WDR59: variants seen among roughly 807,000 people sequenced by gnomAD.
WDR59 encodes WD repeat domain 59.
WDR59 carries 100 observed loss-of-function variants against 131.2 expected under a neutral mutation model. The observed-to-expected ratio is 0.76, with a 90% CI of 0.65 to 0.90. The LOEUF (loss-of-function observed/expected upper bound fraction) is 0.90, where lower values mean the gene tolerates loss of function less well. Among genes scored for constraint, WDR59 ranks in the 40% least tolerant of loss-of-function variants. The pLI is 0.00. For missense variants in WDR59, 1,203 were observed against 1,262.2 expected, an observed-to-expected ratio of 0.95 and a Z score of 0.71; for synonymous variants, 601 against 466.2, an observed-to-expected ratio of 1.29 and a Z score of -3.72.
intron 19 of WDR59, among the ~76,000 whole-genome samples, chr16:74,892,985 G>C (rs1193491180): frequency 6.6e-6 from 1 of 152,236 alleles, no homozygotes; most frequent in Non-Finnish European, 1.5e-5. Context: ...ATGAGTTCGA[G>C]TTTAGGAAGA....
intron 4 of WDR59, among the ~76,000 whole-genome samples, chr16:74,950,588 C>A (rs2032933189): frequency 6.6e-6 from 1 of 152,174 alleles, no homozygotes; most frequent in Non-Finnish European, 1.5e-5. Context: ...CCACCCAACC[C>A]AGGTGTCTCA....
At chr16:74,946,997 T>C (rs2145121486) in intron 6 of WDR59, among the ~76,000 whole-genome samples, 1 of 152,316 alleles carries the variant, frequency 6.6e-6, no homozygotes, top group South Asian at 2.1e-4. Flanking sequence ...TCTCTGTAAA[T>C]AAGTTATACC....
At chr16:74,888,505 A>G (rs1376713142) in intron 21 of WDR59, among the ~76,000 whole-genome samples, 186 bp from the exon 22 acceptor site, 1 of 152,178 alleles carries the variant, frequency 6.6e-6, no homozygotes, top group African/African-American at 2.4e-5. Flanking sequence ...AGTTTGCCTA[A>G]ACTTGTTTTG....
At chr16:74,926,567 C>T (rs1020163812) in intron 8 of WDR59, among the ~76,000 whole-genome samples, 1 of 152,076 alleles carries the variant, frequency 6.6e-6, no homozygotes, top group African/African-American at 2.4e-5. Context: ...GGGGATGATC[C>T]ACACGTGTAC....
At chr16:74,905,792 A>G (rs1597681450) in intron 17 of WDR59, among the ~76,000 whole-genome samples, 1 of 152,112 alleles carries the variant, frequency 6.6e-6, no homozygotes, top group Non-Finnish European at 1.5e-5. Flanking sequence ...ATTGAAAAAC[A>G]TTAAAGAGGG....
chr16:74,975,205 AC>A (rs1173954979), intron 1 of WDR59, among the ~76,000 whole-genome samples: 1 of 152,146 alleles, frequency 6.6e-6, no homozygotes, highest in Non-Finnish European at 1.5e-5. Flanking sequence ...TACTAAAAAT[AC>A]AAAAATTAGC....
In WDR59 at chr16:74,892,571, A is replaced by ATT; in HGVS notation, c.2001-8_2001-7dup. The stretch of plus-strand genomic sequence containing the variant: ...GAATATCATTCACATTCAATCTGAA[A>ATT]TTTTTTAAAAAGAATTAAACATTTC... On this transcript the variant is annotated splice_polypyrimidine_tract_variant and splice_region_variant and intron_variant, in intron 19 of 25. Coordinates refer to ENST00000262144, the MANE Select transcript of WDR59 (RefSeq NM_030581.4). The ATT allele has an allele frequency of 6.2e-7, 1 of 1,611,450 alleles. No homozygotes were observed. The highest frequency in any genetic ancestry group is 8.5e-7 in the Non-Finnish European group (1 of 1,178,386).
chr16:74,970,331 T>C (rs1275951036), intron 1 of WDR59, among the ~76,000 whole-genome samples: 2 of 151,778 alleles, frequency 1.3e-5, no homozygotes, highest in African/African-American at 2.4e-5. Flanking sequence ...ATGTGATACC[T>C]TGTCATTTGT....
chr16:74,937,969 C>A (rs188111811), intron 8 of WDR59, among the ~76,000 whole-genome samples, 181 bp downstream of exon 8: 49 of 152,364 alleles, frequency 3.2e-4, no homozygotes, highest in African/African-American at 1.1e-3. Context: ...TGCTGGGTCT[C>A]GCTCTGTCGC....
chr16:74,927,482 C>T (rs558755249), intron 8 of WDR59, among the ~76,000 whole-genome samples: 5 of 149,010 alleles, frequency 3.4e-5, no homozygotes, highest in African/African-American at 7.4e-5. Flanking sequence ...CAGCTACTTG[C>T]GAGGCTGAGG....
chr16:74,977,981 G>C (rs934431963), intron 1 of WDR59, among the ~76,000 whole-genome samples: 1 of 152,194 alleles, frequency 6.6e-6, no homozygotes, highest in Non-Finnish European at 1.5e-5. Flanking sequence ...GCCAAGGTGG[G>C]AGGGCTGTGT....
intron 2 of WDR59, among the ~76,000 whole-genome samples, chr16:74,958,620 A>AAAAAAAAC (rs1199806175): frequency 3.5e-5 from 5 of 141,048 alleles, no homozygotes; most frequent in African/African-American, 5.3e-5. Flanking sequence ...AAAAAAAAAA[A>AAAAAAAAC]CAAGCTAAAT....
At chr16:74,906,327 C>CAAAAAAAAAAAAAAAAAAA (rs1555555010) in intron 17 of WDR59, among the ~76,000 whole-genome samples, 1 of 22,746 alleles carries the variant, frequency 4.4e-5, no homozygotes, top group Non-Finnish European at 1.0e-4. Context: ...AAAAAAAAAA[C>CAAAAAAAAAAAAAAAAAAA]CCACAGTGAG....
intron 18 of WDR59, among the ~76,000 whole-genome samples, chr16:74,903,487 A>C (rs1965651961): frequency 9.4e-6 from 1 of 106,062 alleles, no homozygotes; most frequent in Non-Finnish European, 2.1e-5. Context: ...ATGTAGACTT[A>C]GTATAAAAAA....
chr16:74,958,582 G>A (rs1206059351), intron 2 of WDR59, among the ~76,000 whole-genome samples: 3 of 16,410 alleles, frequency 1.8e-4, no homozygotes, highest in Non-Finnish European at 1.4e-4. Context: ...GACAGGCTGA[G>A]ACTCCATCTC....
intron 25 of WDR59, among the ~76,000 whole-genome samples, chr16:74,882,329 T>C (rs544116748): frequency 1.4e-4 from 21 of 152,376 alleles, no homozygotes; most frequent in African/African-American, 4.8e-4. Flanking sequence ...GTTGCCCAAA[T>C]AGCATTTTGT....
At chr16:74,960,399 T>C (rs1353461927) in intron 2 of WDR59, among the ~76,000 whole-genome samples, 1 of 151,802 alleles carries the variant, frequency 6.6e-6, no homozygotes, top group Non-Finnish European at 1.5e-5. Context: ...AGCAAAGTCA[T>C]ACAAGATATC....
chr16:74,897,570 G>A (rs932465009), intron 18 of WDR59, among the ~76,000 whole-genome samples: 2 of 152,100 alleles, frequency 1.3e-5, no homozygotes, highest in Non-Finnish European at 1.5e-5. Context: ...AGGCTTCTAG[G>A]TCCTTCTGTT....
intron 3 of WDR59, among the ~76,000 whole-genome samples, chr16:74,952,767 T>TTA (rs138680098): frequency 0.015 from 2,160 of 147,578 alleles, 39 homozygotes; most frequent in African/African-American, 0.036. Context: ...ATTTTTTAAA[T>TTA]TATATATATA....
Sources: gnomAD v4.1 joint callset for allele counts (sites outside exome capture counted in the v4.1 genomes callset) on GRCh38, gnomAD v4.1.1 for gene constraint, MANE v1.5 for transcripts, NCBI Gene and HGNC (gene_info 2026-07-23, HGNC 2026-07-21) for gene names.